Variants in CAMK2A observed in about 807,000 individuals in gnomAD.
CAMK2A encodes the protein calcium/calmodulin-dependent protein kinase type II subunit alpha.
In CAMK2A, 7 loss-of-function variants were observed where a neutral mutation model predicts 79.2. The ratio of observed to expected loss-of-function variants is 0.09; its 90% CI spans 0.05 to 0.17. The LOEUF (loss-of-function observed/expected upper bound fraction) is 0.17, where lower values mean the gene tolerates loss of function less well. CAMK2A is among the 10% of genes least tolerant of loss of function. The probability of loss-of-function intolerance (pLI) is 1.00; values close to 1 mark genes in which losing one functional copy is unlikely to be tolerated. For synonymous variants in CAMK2A, 242 were observed against 251.7 expected (o/e 0.96, Z 0.36); for missense variants, 214 against 646.4 (o/e 0.33, Z 7.25).
At chr5:150,249,451 C>A (rs1213184656) in intron 11 of CAMK2A, among the ~76,000 whole-genome samples, 3 of 152,244 alleles carry the variant, frequency 2.0e-5, no homozygotes, top group African/African-American at 4.8e-5. Context: ...CTCTCCCCAG[C>A]CACTCTGAAC....
At chr5:150,268,460 C>T (rs1756606570) in intron 2 of CAMK2A, among the ~76,000 whole-genome samples, 1 of 152,206 alleles carries the variant, frequency 6.6e-6, no homozygotes, top group Non-Finnish European at 1.5e-5. Flanking sequence ...GATTCCCTGG[C>T]TGCCTTTTCT....
intron 1 of CAMK2A, among the ~76,000 whole-genome samples, chr5:150,287,182 C>T (rs1224831841): frequency 6.6e-6 from 1 of 152,188 alleles, no homozygotes; most frequent in African/African-American, 2.4e-5. Context: ...ATCAGGGGTG[C>T]GGAATCAGTC....
At chr5:150,286,581 C>T (rs1580963389) in intron 1 of CAMK2A, among the ~76,000 whole-genome samples, 1 of 152,348 alleles carries the variant, frequency 6.6e-6, no homozygotes, top group African/African-American at 2.4e-5. Context: ...AACCTGGCTG[C>T]CTTTTCCAGT....
intron 15 of CAMK2A, among the ~76,000 whole-genome samples, chr5:150,235,542 A>G (rs1241784526): frequency 6.6e-6 from 1 of 152,256 alleles, no homozygotes; most frequent in Non-Finnish European, 1.5e-5. Flanking sequence ...ATTTCCCAGA[A>G]TGTCTCTGCC....
intron 1 of CAMK2A, among the ~76,000 whole-genome samples, chr5:150,287,828 C>CA (rs888289331): frequency 2.6e-5 from 4 of 151,864 alleles, no homozygotes; most frequent in Non-Finnish European, 4.4e-5. Context: ...CCCCTACCCG[C>CA]AAAAAAAGCA....
chr5:150,249,861 C>G (rs918709347), intron 11 of CAMK2A, among the ~76,000 whole-genome samples: 2 of 152,160 alleles, frequency 1.3e-5, no homozygotes, highest in Non-Finnish European at 2.9e-5. Context: ...CTTTCCCATT[C>G]TGACTCTAAC....
intron 7 of CAMK2A, 41 bp downstream of exon 7, chr5:150,253,403 G>C (rs773288379): frequency 4.8e-6 from 7 of 1,464,902 alleles, no homozygotes; most frequent in Admixed American, 1.7e-5. Context: ...AACACAAATG[G>C]GTGCTGACCC....
intron 3 of CAMK2A, among the ~76,000 whole-genome samples, chr5:150,260,881 T>C (rs149719892): frequency 6.6e-6 from 1 of 152,172 alleles, no homozygotes; most frequent in Non-Finnish European, 1.5e-5. Context: ...CTCTGGGGAG[T>C]GAACCCTCTC....
intron 9 of CAMK2A, 89 bp downstream of exon 9, chr5:150,251,661 T>C (rs1368361916): frequency 3.0e-6 from 3 of 996,530 alleles, no homozygotes; most frequent in African/African-American, 1.6e-5. Flanking sequence ...GGTTCACCCC[T>C]GTGCCAGAAC....
chr5:150,248,404 T>C (rs977195860), intron 11 of CAMK2A, among the ~76,000 whole-genome samples: 3 of 151,610 alleles, frequency 2.0e-5, no homozygotes, highest in African/African-American at 7.3e-5. Context: ...GTTACATATG[T>C]ATACATGTGC....
rs756990611 is a variant in CAMK2A at position 150,253,451 on chromosome 5, T to C, written c.507A>G (p.Ala169=). 2.5e-6 allele frequency: 4 copies of C among 1,613,570 alleles called. No individual in the cohort carries two copies. Among genetic ancestry groups the C allele is most frequent in the Non-Finnish European group, 8.5e-7 (1 of 1,179,584 alleles). The stretch of plus-strand genomic sequence containing the variant: ...CCAGCCCACCCCACTTACCAAACCA[T>C]GCCTGCTGCTCCCCCTCCACCTCTA... ...LAIEVEGEQQ[A]WFGFAGTPGY... Residue 169 remains alanine (A), a synonymous_variant, in exon 7 of 19, where the codon GCA becomes GCG. Transcript: ENST00000671881.
intron 3 of CAMK2A, 100 bp from the exon 4 acceptor site, chr5:150,257,717 CCAGA>C (rs1756120864): frequency 2.2e-6 from 2 of 927,752 alleles, no homozygotes; most frequent in Non-Finnish European, 3.4e-6. Flanking sequence ...CCCCCCGCTC[CCAGA>C]CAGTCACTGA....
chr5:150,227,972 C>A (rs982703553), intron 17 of CAMK2A, among the ~76,000 whole-genome samples: 1 of 152,128 alleles, frequency 6.6e-6, no homozygotes, highest in African/African-American at 2.4e-5. Context: ...TCTGGGACCT[C>A]GCCTGCCCCA....
chr5:150,259,449 G>A (rs1461112142), intron 3 of CAMK2A, among the ~76,000 whole-genome samples: 2 of 152,046 alleles, frequency 1.3e-5, no homozygotes, highest in African/African-American at 2.4e-5. Context: ...TTGAGCCCAG[G>A]GGGCGGAGGG....
chr5:150,258,125 T>A (rs1408354810), intron 3 of CAMK2A, among the ~76,000 whole-genome samples: 3 of 152,192 alleles, frequency 2.0e-5, no homozygotes, highest in Non-Finnish European at 4.4e-5. Flanking sequence ...CTCCCAAGTC[T>A]GAGGAGATAA....
intron 13 of CAMK2A, among the ~76,000 whole-genome samples, chr5:150,244,504 C>G (rs1755474308): frequency 6.6e-6 from 1 of 152,186 alleles, no homozygotes; most frequent in South Asian, 2.1e-4. Context: ...AGCAGGGGAC[C>G]AGGCCCCAGA....
chr5:150,225,712 C>T (rs1042149521), intron 17 of CAMK2A, among the ~76,000 whole-genome samples: 7 of 150,414 alleles, frequency 4.7e-5, no homozygotes, highest in African/African-American at 1.5e-4. Flanking sequence ...GGTCCAGCTA[C>T]CTCTCCTTGC....
chr5:150,249,796 C>A (rs1755747909), intron 11 of CAMK2A, among the ~76,000 whole-genome samples: 2 of 152,210 alleles, frequency 1.3e-5, no homozygotes, highest in African/African-American at 4.8e-5. Flanking sequence ...GATCTGCCCA[C>A]CTCAGCCTCC....
At chr5:150,281,379 G>T (rs1757209137) in intron 1 of CAMK2A, among the ~76,000 whole-genome samples, 1 of 152,252 alleles carries the variant, frequency 6.6e-6, no homozygotes, top group Non-Finnish European at 1.5e-5. Flanking sequence ...GTGGAACCCA[G>T]AATAGAGAGG....
Sources: allele counts gnomAD v4.1 joint callset (sites outside exome capture counted in the v4.1 genomes callset), GRCh38; gene constraint gnomAD v4.1.1; transcripts MANE v1.5; gene names NCBI Gene and HGNC (gene_info 2026-07-23, HGNC 2026-07-21).